HPN: variants seen among roughly 807,000 people sequenced by gnomAD.
HPN encodes serine protease hepsin.
A neutral mutation model predicts 55.9 loss-of-function variants in HPN; 13 were observed. The observed-to-expected ratio is 0.23, with a 90% CI of 0.15 to 0.37. The LOEUF (loss-of-function observed/expected upper bound fraction) is 0.37. HPN is among the 10% of genes least tolerant of loss of function. The pLI is 1.00. For missense variants in HPN, 451 were observed against 575.8 expected (o/e 0.78, Z 2.22); for synonymous variants, 225 against 240.3 (o/e 0.94, Z 0.59).
intron 4 of HPN, among the ~76,000 whole-genome samples, chr19:35,051,697 A>G (rs76977952): frequency 2.6e-5 from 4 of 152,312 alleles, no homozygotes; most frequent in South Asian, 2.1e-4. Flanking sequence ...AAAAAAAAAA[A>G]AAGAACAGCT....
chr19:35,065,690 C>T lies in HPN; in HGVS notation c.1050+9C>T, dbSNP rs755115724. The T allele has an allele frequency of 6.7e-5, 108 of 1,613,858 alleles. No individual in the cohort carries two copies. Among genetic ancestry groups the T allele is most frequent in the Non-Finnish European group, 8.1e-5 (96 of 1,180,004 alleles). On this transcript the variant is annotated intron_variant, in intron 11 of 12. Coordinates refer to ENST00000672452, the MANE Select transcript of HPN (RefSeq NM_001384133.1). ...GCATTGATGCCTGCCAGGTGAGGGA[C>T]TCTGTAGGGGCAGCCCCCTGGTCGC...
chr19:35,048,628 T>TCACTCCTGTAATCTCAGCA (rs2064371603), intron 2 of HPN, among the ~76,000 whole-genome samples: 1 of 152,132 alleles, frequency 6.6e-6, no homozygotes, highest in Non-Finnish European at 1.5e-5. Context: ...ACGCAGTGGC[T>TCACTCCTGTAATCTCAGCA]CACTCCTGTA....
chr19:35,049,856 TG>T (rs369360529), intron 4 of HPN, among the ~76,000 whole-genome samples: 33 of 93,478 alleles, frequency 3.5e-4, no homozygotes, highest in East Asian at 1.2e-3. Flanking sequence ...TGCTAATTTT[TG>T]TTTGTTTTTT....
chr19:35,054,729 G>A (rs766137231), intron 4 of HPN, among the ~76,000 whole-genome samples: 8 of 152,152 alleles, frequency 5.3e-5, no homozygotes, highest in Non-Finnish European at 8.8e-5. Context: ...CAGCTTCCCC[G>A]TCTGGAATTT....
chr19:35,044,975 T>A (rs956490318), intron 2 of HPN, among the ~76,000 whole-genome samples: 1 of 151,840 alleles, frequency 6.6e-6, no homozygotes, highest in Admixed American at 6.6e-5. Flanking sequence ...AGGGGAATGT[T>A]ATGCAGATGG....
In HPN at chr19:35,049,348, C is replaced by A. The variant is rs779277559; in HGVS notation, c.75C>A (p.Thr25=). The A allele has an allele frequency of 2.2e-5, 36 of 1,602,130 alleles. No individual in the cohort carries two copies. The highest frequency in any genetic ancestry group is 3.0e-5 in the Non-Finnish European group (35 of 1,172,826). ...RPKVAALTAG[T]LLLLTAIGAA... is the part of the protein sequence containing the mutation. The stretch of plus-strand genomic sequence containing the variant: ...AGGTGGCAGCTCTCACTGCGGGGAC[C>A]CTGCTACTTCTGACAGCCATCGGGG... The change falls in exon 3 of 13, where the codon ACC becomes ACA. Residue 25 remains threonine (T), a synonymous_variant. Coordinates refer to ENST00000672452, the MANE Select transcript of HPN (RefSeq NM_001384133.1).
intron 9 of HPN, among the ~76,000 whole-genome samples, chr19:35,063,300 G>A (rs981927473): frequency 1.3e-5 from 2 of 152,246 alleles, no homozygotes; most frequent in South Asian, 2.1e-4. Flanking sequence ...CTGTGGTGAC[G>A]GAGAATCCAG....
Position 35,060,766 on chromosome 19 carries a change from A to G in HPN, c.760A>G (p.Asn254Asp). The G allele has an allele frequency of 6.2e-7, 1 of 1,611,762 alleles. No individual in the cohort carries two copies. The highest frequency in any genetic ancestry group is 8.5e-7 in the Non-Finnish European group (1 of 1,178,848). Residue 254 changes from asparagine to aspartate, a missense_variant, in exon 9 of 13, where the codon AAC becomes GAC. Physicochemically the swap from Asn to Asp is conservative, Grantham distance 23 (BLOSUM62 1). Around this residue, in one of 2 missense-constraint regions of HPN, gnomAD observed 378 missense variants for 445.5 expected, o/e 0.85. Transcript: ENST00000672452. ...CTTTCGGGACCCCAACAGCGAGGAGAACAGCAACGATATTGCCCTGGTCCA... is the reference window on the plus strand; with the variant it reads ...CTTTCGGGACCCCAACAGCGAGGAGGACAGCAACGATATTGCCCTGGTCCA... ...LPFRDPNSEE[N>D]SNDIALVHLS...
chr19:35,048,023 AG>A (rs1303827586), intron 2 of HPN, among the ~76,000 whole-genome samples: 13 of 72,718 alleles, frequency 1.8e-4, no homozygotes, highest in East Asian at 1.1e-3. Flanking sequence ...AGAGAGAGAG[AG>A]AGAAAAAGAA....
rs1194156059 is a variant in HPN, at chr19:35,041,758, C to G, written c.-169C>G. On this transcript the variant is annotated 5_prime_UTR_variant, in exon 1 of 13. Coordinates refer to ENST00000672452, the MANE Select transcript of HPN (RefSeq NM_001384133.1). ...TGGCCTAGCAGGCCCCACGCCACCG[C>G]CTCTGCCTCCAGGCCGCCCGCTGCT... 1 of 1,289,334 alleles carries G rather than the reference C, an allele frequency of 7.8e-7. No individual in the cohort carries two copies. Among genetic ancestry groups the G allele is most frequent in the African/African-American group, 1.5e-5 (1 of 64,528 alleles). 79.9% of individuals were successfully genotyped at this position (1,289,334 alleles called of 1,614,324 possible).
rs1253307577 is a variant in HPN at position 35,065,904 on chromosome 19, A to G, written c.1087A>G (p.Ile363Val). The change falls in exon 12 of 13, where the codon ATC becomes GTC. Residue 363 changes from isoleucine (I) to valine (V), a missense_variant. This residue lies in a region of HPN where 73 missense variants were observed against 130.3 expected (regional missense o/e 0.56). Coordinates refer to ENST00000672452, the MANE Select transcript of HPN (RefSeq NM_001384133.1). ...TGGTCCCTTTGTGTGTGAGGACAGCATCTCTCGGACGCCACGTTGGCGGCT... is the reference window on the plus strand; with the variant it reads ...TGGTCCCTTTGTGTGTGAGGACAGCGTCTCTCGGACGCCACGTTGGCGGCT... ...SGGPFVCEDS[I>V]SRTPRWRLCG... is the part of the protein sequence containing the mutation. 3 of 1,614,086 alleles carry G rather than the reference A, an allele frequency of 1.9e-6. No individual in the cohort carries two copies. In the Admixed American group the frequency reaches 5.0e-5, roughly 27 times the overall value.
intron 4 of HPN, among the ~76,000 whole-genome samples, chr19:35,058,698 C>T (rs890127948): frequency 2.0e-5 from 3 of 150,072 alleles, no homozygotes; most frequent in African/African-American, 7.3e-5. Context: ...ATGAAGAAAC[C>T]AGGCTATGAT....
intron 9 of HPN, among the ~76,000 whole-genome samples, chr19:35,061,926 C>T (rs551612478): frequency 2.8e-4 from 43 of 152,124 alleles, no homozygotes; most frequent in Admixed American, 1.7e-3. Flanking sequence ...GGTGTGGTGA[C>T]GGATACCTGT....
Position 35,061,119 on chromosome 19 carries a change from A to G in HPN, c.811+302A>G, listed in dbSNP as rs138659839. On this transcript the variant is annotated intron_variant, in intron 9 of 12. Transcript: ENST00000672452. ...ACTGTGTCTGCACCAAAACTCGTAC[A>G]TCAGTGTTCATAGCAGCATTATTCA... Among the ~76,000 whole-genome samples, 47 of 152,322 alleles carry G rather than the reference A, an allele frequency of 3.1e-4. No homozygotes were observed. The East Asian group carries it at 8.1e-3, about 26-fold the overall frequency.
chr19:35,066,126 CAGGCCT>C lies in HPN; in HGVS notation c.1215+97_1215+102del, dbSNP rs755903966. ...AGATTTGTTTTAGGAAACCTACGCT[CAGGCCT>C]AGAAGAGGGCCCCCCTTGGGAACAG... is the stretch of plus-strand genomic sequence containing the variant. On this transcript the variant is annotated intron_variant, in intron 12 of 12. Coordinates refer to ENST00000672452, the MANE Select transcript of HPN (RefSeq NM_001384133.1). 3 of 1,612,866 alleles carry C rather than the reference CAGGCCT, an allele frequency of 1.9e-6. No individual in the cohort carries two copies. In the African/African-American group the frequency reaches 4.0e-5, roughly 21 times the overall value.
intron 4 of HPN, among the ~76,000 whole-genome samples, chr19:35,058,045 CG>C (rs2064474984): frequency 6.7e-6 from 1 of 149,334 alleles, no homozygotes; most frequent in South Asian, 2.1e-4. Context: ...CCCAGCCACT[CG>C]GGAGGCTGAG....
intron 10 of HPN, 30 bp from the exon 11 acceptor site, chr19:35,065,509 C>T (rs1298226182): frequency 6.2e-7 from 1 of 1,611,688 alleles, no homozygotes; most frequent in Admixed American, 1.7e-5. Flanking sequence ...CACCCCCCAG[C>T]TCTGGCCAGC....
chr19:35,052,876 T>C (rs1016325752), intron 4 of HPN, among the ~76,000 whole-genome samples: 1 of 152,110 alleles, frequency 6.6e-6, no homozygotes, highest in Non-Finnish European at 1.5e-5. Context: ...GTCATGGGCC[T>C]CCAGCTGGAA....
chr19:35,058,713 AAACTGGC>A (rs1335654189), intron 4 of HPN, among the ~76,000 whole-genome samples: 11 of 151,148 alleles, frequency 7.3e-5, no homozygotes, highest in Non-Finnish European at 1.3e-4. Flanking sequence ...TATGATCTAC[AAACTGGC>A]AACAAATTTG....
Sources: allele counts gnomAD v4.1 joint callset (sites outside exome capture counted in the v4.1 genomes callset), GRCh38; gene constraint gnomAD v4.1.1; regional missense constraint gnomAD v4.1.1; transcripts MANE v1.5; gene names NCBI Gene and HGNC (gene_info 2026-07-23, HGNC 2026-07-21).